UBE2W: variants seen among roughly 807,000 people sequenced by gnomAD.
UBE2W encodes ubiquitin-conjugating enzyme E2 W.
A neutral mutation model predicts 27.2 loss-of-function variants in UBE2W; 18 were observed. The ratio of observed to expected loss-of-function variants is 0.66; its 90% CI spans 0.46 to 0.98. The LOEUF (loss-of-function observed/expected upper bound fraction) is 0.98, where lower values mean the gene tolerates loss of function less well. Among genes scored for constraint, UBE2W ranks in the 50% least tolerant of loss-of-function variants. The pLI is 0.00. For synonymous variants in UBE2W, 53 were observed against 57.2 expected (o/e 0.93, Z 0.33); for missense variants, 90 against 180.2 (o/e 0.50, Z 2.87).
intron 1 of UBE2W, among the ~76,000 whole-genome samples, chr8:73,863,280 G>T (rs1297683223): frequency 1.4e-5 from 2 of 142,946 alleles, no homozygotes; most frequent in African/African-American, 5.5e-5. Flanking sequence ...CCTTTGTAGG[G>T]ACATGGATGA....
intron 5 of UBE2W, among the ~76,000 whole-genome samples, chr8:73,802,895 C>T (rs1015414676): frequency 3.9e-5 from 6 of 152,128 alleles, no homozygotes; most frequent in African/African-American, 9.7e-5. Flanking sequence ...AGGTGGCGGG[C>T]GCCTGTAGTC....
intron 3 of UBE2W, among the ~76,000 whole-genome samples, chr8:73,816,269 T>C (rs1809380843): frequency 6.6e-6 from 1 of 152,210 alleles, no homozygotes; most frequent in Non-Finnish European, 1.5e-5. Flanking sequence ...TCTATCTTCC[T>C]TCCCCTTGAC....
intron 1 of UBE2W, among the ~76,000 whole-genome samples, chr8:73,877,064 G>A (rs754976519): frequency 2.0e-5 from 3 of 152,168 alleles, no homozygotes; most frequent in Non-Finnish European, 4.4e-5. Context: ...AATCTAACGA[G>A]ATGACACACT....
At chr8:73,869,068 T>C (rs1220960271) in intron 1 of UBE2W, among the ~76,000 whole-genome samples, 1 of 152,160 alleles carries the variant, frequency 6.6e-6, no homozygotes, top group African/African-American at 2.4e-5. Context: ...AACCAAAAAA[T>C]GGGCCATTAC....
At chr8:73,795,821 C>T in intron 5 of UBE2W, 1 of 980,950 alleles carries the variant, frequency 1.0e-6, no homozygotes, top group Non-Finnish European at 1.2e-6. Flanking sequence ...GTGGCTCACG[C>T]CTGTAATTCC....
chr8:73,790,845 A>C lies in UBE2W; in HGVS notation c.*3257T>G, dbSNP rs1808159946. ...CCAATTCATCTTTGATGCAACTTGG[A>C]AACAATTAAGCAGTCACTAGACACC... On this transcript the variant is annotated 3_prime_UTR_variant, in exon 6 of 6. Coordinates refer to ENST00000602593, the MANE Select transcript of UBE2W (RefSeq NM_018299.6). The C allele has an allele frequency of 9.1e-6, 9 of 985,258 alleles. No individual in the cohort carries two copies. The highest frequency in any genetic ancestry group is 1.1e-5 in the Non-Finnish European group (9 of 829,766). The allele number at this position is 985,258 out of a possible 1,614,324, so 61.0% of individuals were successfully genotyped here.
chr8:73,804,047 T>A (rs1225725343), intron 5 of UBE2W, among the ~76,000 whole-genome samples: 1 of 151,422 alleles, frequency 6.6e-6, no homozygotes, highest in Non-Finnish European at 1.5e-5. Flanking sequence ...ATTACAGGCA[T>A]GAGCCACCAC....
At chr8:73,796,722 TTAAG>T (rs1188360531) in intron 5 of UBE2W, 3 of 907,884 alleles carry the variant, frequency 3.3e-6, no homozygotes, top group Non-Finnish European at 4.0e-6. Context: ...TAAGCAAACT[TTAAG>T]TATAGATACA....
At chr8:73,843,690 A>G (rs1202847187) in intron 1 of UBE2W, among the ~76,000 whole-genome samples, 1 of 151,962 alleles carries the variant, frequency 6.6e-6, no homozygotes, top group Non-Finnish European at 1.5e-5. Flanking sequence ...AGGTGAAGAA[A>G]GAATTTCTAC....
At position 73,792,591 on chromosome 8, in the gene UBE2W, C is replaced by A; in HGVS notation, c.*1511G>T. On this transcript the variant is annotated 3_prime_UTR_variant, in exon 6 of 6. Coordinates refer to ENST00000602593, the MANE Select transcript of UBE2W (RefSeq NM_018299.6). ...CAGCCAACTGGCTTTCAGTTTTAAG[C>A]CCAAATTGATTCATATATTCACTGC... 4 of 985,606 alleles carry A rather than the reference C, an allele frequency of 4.1e-6. No individual in the cohort carries two copies. Among genetic ancestry groups the A allele is most frequent in the East Asian group, 1.1e-4 (1 of 8,820 alleles). 61.1% of individuals were successfully genotyped at this position (985,606 alleles called of 1,614,324 possible).
At chr8:73,820,491 C>A (rs1809563402) in intron 3 of UBE2W, among the ~76,000 whole-genome samples, 1 of 152,068 alleles carries the variant, frequency 6.6e-6, no homozygotes, top group East Asian at 1.9e-4. Flanking sequence ...GATCCCAGTA[C>A]TTTGACAGGC....
intron 1 of UBE2W, among the ~76,000 whole-genome samples, chr8:73,858,967 AG>A (rs1811423251): frequency 8.2e-6 from 1 of 121,480 alleles, no homozygotes; most frequent in African/African-American, 3.2e-5. Flanking sequence ...CTTCAAGCAC[AG>A]GGGGTTTTTG....
At chr8:73,820,285 T>C (rs72661823) in intron 3 of UBE2W, among the ~76,000 whole-genome samples, 12 of 152,306 alleles carry the variant, frequency 7.9e-5, no homozygotes, top group South Asian at 6.2e-4. Flanking sequence ...GCATTGATGT[T>C]TGACCCATTA....
At position 73,792,373 on chromosome 8, in the gene UBE2W, T is replaced by C. The variant is rs937873917; in HGVS notation, c.*1729A>G. The C allele has an allele frequency of 4.1e-6, 4 of 985,502 alleles. No homozygotes were observed. Among genetic ancestry groups the C allele is most frequent in the African/African-American group, 3.5e-5 (2 of 57,226 alleles). 61.0% of individuals were successfully genotyped at this position (985,502 alleles called of 1,614,324 possible). On this transcript the variant is annotated 3_prime_UTR_variant, in exon 6 of 6. Transcript: ENST00000602593. ...AATTTTTTTTTTCAAGTTATTTCTA[T>C]AGCAGACATATTTTTGAAGTCTACC...
At chr8:73,864,756 G>C (rs1563632133) in intron 1 of UBE2W, among the ~76,000 whole-genome samples, 2 of 135,246 alleles carry the variant, frequency 1.5e-5, no homozygotes, top group Admixed American at 7.2e-5. Context: ...TTTTTGGGGG[G>C]GGGGGGCGGG....
chr8:73,792,751 CAT>C lies in UBE2W; in HGVS notation c.*1349_*1350del, dbSNP rs1377194332. 1 of 985,330 alleles carries C rather than the reference CAT, an allele frequency of 1.0e-6. No individual in the cohort carries two copies. Among genetic ancestry groups the C allele is most frequent in the African/African-American group, 1.7e-5 (1 of 57,316 alleles). 61.0% of individuals were successfully genotyped at this position (985,330 alleles called of 1,614,324 possible). A position where few individuals can be genotyped will look rare whatever the true frequency, so the allele number is the denominator to read the frequency against. On this transcript the variant is annotated 3_prime_UTR_variant, in exon 6 of 6. Coordinates refer to ENST00000602593, the MANE Select transcript of UBE2W (RefSeq NM_018299.6). ...TTTAAAAAGAACTTAGTTGTAGTAT[CAT>C]TAACTCACATGGTACTGAGAACTGG...
rs778022947 is a variant in UBE2W at position 73,825,256 on chromosome 8, T to C, written c.108-7A>G. On this transcript the variant is annotated splice_region_variant and splice_polypyrimidine_tract_variant and intron_variant, in intron 2 of 5. Coordinates refer to ENST00000602593, the MANE Select transcript of UBE2W (RefSeq NM_018299.6). Reference sequence around the variant, plus strand: ...TTCCATGTCTACAATCCACCTAGAATAGAAAAGGCAAATTAAAAACTTAAG... The same window carrying C: ...TTCCATGTCTACAATCCACCTAGAACAGAAAAGGCAAATTAAAAACTTAAG... 2.6e-6 allele frequency: 4 copies of C among 1,538,060 alleles called. No homozygotes were observed. Among genetic ancestry groups the C allele is most frequent in the African/African-American group, 2.8e-5 (2 of 72,000 alleles).
chr8:73,861,871 T>C (rs1227251188), intron 1 of UBE2W, among the ~76,000 whole-genome samples: 2 of 152,210 alleles, frequency 1.3e-5, no homozygotes, highest in East Asian at 1.9e-4. Flanking sequence ...CTAAAGCTGA[T>C]AGGACAGTCA....
At chr8:73,859,007 T>A (rs1464511433) in intron 1 of UBE2W, among the ~76,000 whole-genome samples, 1 of 148,378 alleles carries the variant, frequency 6.7e-6, no homozygotes, top group Non-Finnish European at 1.5e-5. Context: ...TGTGTGTGTG[T>A]GTGTGTGTGT....
Sources: allele counts gnomAD v4.1 joint callset (sites outside exome capture counted in the v4.1 genomes callset), GRCh38; gene constraint gnomAD v4.1.1; transcripts MANE v1.5; gene names NCBI Gene and HGNC (gene_info 2026-07-23, HGNC 2026-07-21).